LBH: variants seen among roughly 807,000 people sequenced by gnomAD.
The protein encoded by LBH is protein LBH.
A neutral mutation model predicts 12.5 loss-of-function variants in LBH; 7 were observed. The observed-to-expected ratio is 0.56, with a 90% CI of 0.32 to 1.05. The LOEUF is 1.05. Ranked by LOEUF, LBH falls within the 50% of genes least tolerant of loss-of-function variation. The probability of loss-of-function intolerance (pLI) is 0.04; values close to 1 mark genes in which losing one functional copy is unlikely to be tolerated. For synonymous variants in LBH, 51 were observed against 50.1 expected, an observed-to-expected ratio of 1.02 and a Z score of -0.08; for missense variants, 119 against 138.9, an observed-to-expected ratio of 0.86 and a Z score of 0.72.
At chr2:30,238,885 CTTTTTTTTTTTT>C (rs367954684) in intron 2 of LBH, among the ~76,000 whole-genome samples, 1 of 98,042 alleles carries the variant, frequency 1.0e-5, no homozygotes, top group Non-Finnish European at 2.0e-5. Context: ...CCTCCCCACT[CTTTTTTTTTTTT>C]TTTTTTTTTT....
At chr2:30,252,634 C>T (rs1306727892) in intron 2 of LBH, among the ~76,000 whole-genome samples, 4 of 152,076 alleles carry the variant, frequency 2.6e-5, no homozygotes, top group African/African-American at 9.7e-5. Flanking sequence ...TGCACTCCAG[C>T]CTGGGTGACA....
chr2:30,257,790 C>CCTTTTT lies in LBH; in HGVS notation c.*169_*170insCTTTTT. On this transcript the variant is annotated 3_prime_UTR_variant, in exon 3 of 3. Transcript: ENST00000395323. ...AGTTGGTTTTCTTTTCTTTTCTTGC[C>CCTTTTT]TTTTTTTTTTTTTGAAATTTGCCGA... 2.5e-6 allele frequency: 1 copy of CCTTTTT among 400,780 alleles called. No homozygotes were observed. Among genetic ancestry groups the CCTTTTT allele is most frequent in the Non-Finnish European group, 4.3e-6 (1 of 233,902 alleles). 24.8% of individuals were successfully genotyped at this position (400,780 alleles called of 1,614,324 possible).
chr2:30,241,104 TG>T (rs1009792320), intron 2 of LBH, among the ~76,000 whole-genome samples: 9 of 152,228 alleles, frequency 5.9e-5, no homozygotes, highest in Middle Eastern at 3.2e-3. Flanking sequence ...GAGGTATCCT[TG>T]GCTTTCCCAA....
chr2:30,254,692 A>C (rs1678049710), intron 2 of LBH, among the ~76,000 whole-genome samples: 1 of 147,050 alleles, frequency 6.8e-6, no homozygotes, highest in Non-Finnish European at 1.5e-5. Flanking sequence ...TTAGGCTGTC[A>C]TAGTTAGAAT....
chr2:30,253,835 A>G (rs1678029889), intron 2 of LBH, among the ~76,000 whole-genome samples: 1 of 152,184 alleles, frequency 6.6e-6, no homozygotes, highest in South Asian at 2.1e-4. Flanking sequence ...CAAGAAGGTC[A>G]CCTCATGTCT....
intron 2 of LBH, among the ~76,000 whole-genome samples, chr2:30,248,992 G>A (rs1677924874): frequency 6.6e-6 from 1 of 152,180 alleles, no homozygotes; most frequent in Admixed American, 6.5e-5. Context: ...AGGATTAGAG[G>A]CACCAGGGCA....
chr2:30,240,846 T>C (rs954307101), intron 2 of LBH, among the ~76,000 whole-genome samples: 1 of 152,220 alleles, frequency 6.6e-6, no homozygotes, highest in African/African-American at 2.4e-5. Context: ...CTGAAACTCA[T>C]ACACTTCTTG....
intron 2 of LBH, among the ~76,000 whole-genome samples, chr2:30,252,975 A>C (rs1678011732): frequency 2.0e-5 from 3 of 152,222 alleles, no homozygotes. Context: ...TGTAGTACAG[A>C]GAGAAGGAGC....
chr2:30,253,887 C>A (rs531353475), intron 2 of LBH, among the ~76,000 whole-genome samples: 59 of 152,224 alleles, frequency 3.9e-4, no homozygotes, highest in African/African-American at 1.3e-3. Context: ...GAGGACTTGA[C>A]CGGAGTTATA....
intron 2 of LBH, among the ~76,000 whole-genome samples, chr2:30,242,033 T>C (rs546111920): frequency 6.4e-4 from 98 of 152,326 alleles, no homozygotes; most frequent in African/African-American, 2.0e-3. Flanking sequence ...TAATTTGTCA[T>C]TCAATTGTTG....
chr2:30,253,317 G>T (rs1201971095), intron 2 of LBH, among the ~76,000 whole-genome samples: 3 of 152,170 alleles, frequency 2.0e-5, no homozygotes, highest in Admixed American at 6.5e-5. Context: ...CACTTTGCAA[G>T]GCTTTCTGTC....
At chr2:30,239,605 G>A (rs1558386516) in intron 2 of LBH, among the ~76,000 whole-genome samples, 1 of 152,146 alleles carries the variant, frequency 6.6e-6, no homozygotes, top group Non-Finnish European at 1.5e-5. Flanking sequence ...GCATCCAGCC[G>A]CGGACACATG....
chr2:30,240,742 C>T (rs1037053852), intron 2 of LBH, among the ~76,000 whole-genome samples: 2 of 152,180 alleles, frequency 1.3e-5, no homozygotes, highest in Admixed American at 1.3e-4. Context: ...ACTTTGGGAG[C>T]CCCCTCAAGC....
In LBH at chr2:30,241,078, T is replaced by C. The variant is rs143987921; in HGVS notation, c.129+6571T>C. On this transcript the variant is annotated intron_variant, in intron 2 of 2. Transcript: ENST00000395323. Reference sequence around the variant, plus strand: ...TTCTTAGGAGAGCTTAAAGCACTTGTTCAAACTGGATTTAAGAGGTATCCT... The same window carrying C: ...TTCTTAGGAGAGCTTAAAGCACTTGCTCAAACTGGATTTAAGAGGTATCCT... Among the ~76,000 whole-genome samples the C allele has an allele frequency of 3.9e-4, 60 of 152,356 alleles. No homozygotes were observed. In the East Asian group the frequency reaches 9.5e-3, roughly 24 times the overall value.
chr2:30,238,885 C>CTTTTTTTTT (rs367954684), intron 2 of LBH, among the ~76,000 whole-genome samples: 1 of 98,042 alleles, frequency 1.0e-5, no homozygotes, highest in Non-Finnish European at 2.0e-5. Flanking sequence ...CCTCCCCACT[C>CTTTTTTTTT]TTTTTTTTTT....
intron 2 of LBH, among the ~76,000 whole-genome samples, chr2:30,246,176 C>T (rs1015954211): frequency 2.6e-5 from 4 of 151,214 alleles, no homozygotes; most frequent in African/African-American, 9.9e-5. Context: ...CCAGGCTGGT[C>T]TCAAACTCTT....
chr2:30,234,316 T>A (rs1218533873), intron 1 of LBH, 89 bp from the exon 2 acceptor site: 2 of 993,192 alleles, frequency 2.0e-6, no homozygotes, highest in African/African-American at 3.2e-5. Context: ...CTCCAGACAG[T>A]CCCCTGATCC....
chr2:30,232,400 AAG>A (rs1677606683), intron 1 of LBH: 1 of 776,284 alleles, frequency 1.3e-6, no homozygotes, highest in African/African-American at 1.8e-5. Flanking sequence ...CGCCGTGCTG[AAG>A]GGGAAGGAGC....
intron 2 of LBH, among the ~76,000 whole-genome samples, chr2:30,251,043 CAGT>C (rs1445458866): frequency 2.1e-4 from 31 of 147,188 alleles, no homozygotes; most frequent in Middle Eastern, 7.0e-3. Context: ...TTTTTATTGT[CAGT>C]AGAATTTTTT....
Sources: gnomAD v4.1 joint callset for allele counts (sites outside exome capture counted in the v4.1 genomes callset) on GRCh38, gnomAD v4.1.1 for gene constraint, MANE v1.5 for transcripts, NCBI Gene and HGNC (gene_info 2026-07-23, HGNC 2026-07-21) for gene names.